Variants in AGO1 observed in about 807,000 individuals in gnomAD.
The protein encoded by AGO1 is protein argonaute-1.
AGO1 carries 11 observed loss-of-function variants against 109.2 expected under a neutral mutation model. That is an observed-to-expected ratio of 0.10 (90% CI 0.06 to 0.17). AGO1 has a LOEUF of 0.17. Among genes scored for constraint, AGO1 ranks in the 10% least tolerant of loss-of-function variants. AGO1 has a pLI of 1.00. For missense variants in AGO1, 574 were observed against 1,140.3 expected, an observed-to-expected ratio of 0.50 and a Z score of 7.15; for synonymous variants, 422 against 418.6, an observed-to-expected ratio of 1.01 and a Z score of -0.10.
At chr1:35,895,030 G>GA in intron 7 of AGO1, 92 bp from the exon 8 acceptor site, 5 of 1,451,284 alleles carry the variant, frequency 3.4e-6, no homozygotes, top group Non-Finnish European at 4.6e-6. Flanking sequence ...AATGAAAAAG[G>GA]AAAAAATCTG....
At chr1:35,900,843 G>A (rs1275024088) in intron 8 of AGO1, among the ~76,000 whole-genome samples, 2 of 152,120 alleles carry the variant, frequency 1.3e-5, no homozygotes, top group African/African-American at 4.8e-5. Context: ...CCGGGAGGCA[G>A]ATGTCTCTGA....
Position 35,877,223 on chromosome 1 carries a change from G to T in AGO1, c.-201+7320G>T, listed in dbSNP as rs962753512. 2.0e-5 allele frequency among the ~76,000 whole-genome samples: 3 copies of T among 152,280 alleles called. No individual in the cohort carries two copies. In the East Asian group the frequency reaches 5.8e-4, roughly 29 times the overall value. On this transcript the variant is annotated intron_variant, in intron 1 of 18. Coordinates refer to the AGO1 transcript ENST00000373206. ...CTTTGCTGCCTTTCCCCTGGCTTGGGCTAGGGAGCGAATGGGCAGATTTCG... is the reference window on the plus strand; with the variant it reads ...CTTTGCTGCCTTTCCCCTGGCTTGGTCTAGGGAGCGAATGGGCAGATTTCG...
At position 35,920,799 on chromosome 1, in the gene AGO1, T is replaced by C. The variant is rs1474000510; in HGVS notation, c.*1192T>C. On this transcript the variant is annotated 3_prime_UTR_variant, in exon 19 of 19. Transcript: ENST00000373204. ...CTCTTATGTTTCAATATTTCTTAAC[T>C]GGGGTGTCTTATAACAAAAAACTCT... 2 of 152,678 alleles carry C rather than the reference T, an allele frequency of 1.3e-5. No homozygotes were observed. Among genetic ancestry groups the C allele is most frequent in the Admixed American group, 6.5e-5 (1 of 15,292 alleles). 9.5% of individuals were successfully genotyped at this position (152,678 alleles called of 1,614,324 possible).
Position 35,894,369 on chromosome 1 carries a change from G to T in AGO1, c.839G>T (p.Cys280Phe). The change falls in exon 7 of 19, where the codon TGT becomes TTT. Residue 280 changes from cysteine (C) to phenylalanine (F), a missense_variant. Around this residue, in one of 8 missense-constraint regions of AGO1, gnomAD observed 42 missense variants for 142.4 expected, o/e 0.29. Coordinates refer to ENST00000373204, the MANE Select transcript of AGO1 (RefSeq NM_012199.5). ...CAGATGAAGAGGAAGTACCGCGTGT[G>T]TAATGTTACCCGTCGCCCTGCTAGC... ...CGQMKRKYRV[C>F]NVTRRPASHQ... is the part of the protein sequence containing the mutation. The T allele has an allele frequency of 6.2e-7, 1 of 1,614,220 alleles. No homozygotes were observed. Among genetic ancestry groups the T allele is most frequent in the Non-Finnish European group, 8.5e-7 (1 of 1,180,040 alleles).
At chr1:35,891,113 A>G (rs186277344) in intron 2 of AGO1, among the ~76,000 whole-genome samples, 26 of 152,334 alleles carry the variant, frequency 1.7e-4, no homozygotes, top group Admixed American at 1.2e-3. Flanking sequence ...CATAGTCTAC[A>G]TAGTGTAGGA....
At chr1:35,907,886 A>G (rs1645553556) in intron 12 of AGO1, among the ~76,000 whole-genome samples, 1 of 152,192 alleles carries the variant, frequency 6.6e-6, no homozygotes, top group Non-Finnish European at 1.5e-5. Flanking sequence ...GCACTTTGGA[A>G]TGCCAAGGTG....
intron 8 of AGO1, among the ~76,000 whole-genome samples, chr1:35,895,873 G>C (rs1645307647): frequency 6.6e-6 from 1 of 152,130 alleles, no homozygotes; most frequent in Non-Finnish European, 1.5e-5. Context: ...AGAAACTACT[G>C]CCTACTGCTT....
chr1:35,903,609 T>C (rs929305457), intron 11 of AGO1, among the ~76,000 whole-genome samples: 2 of 152,052 alleles, frequency 1.3e-5, no homozygotes, highest in Non-Finnish European at 2.9e-5. Context: ...TAGTCCTGGC[T>C]ACTCAGGAGG....
At chr1:35,877,497 A>G (rs1645001767) in intron 1 of AGO1, among the ~76,000 whole-genome samples, 1 of 151,912 alleles carries the variant, frequency 6.6e-6, no homozygotes, top group African/African-American at 2.4e-5. Flanking sequence ...GATTAGACAT[A>G]CCTCCTCTTA....
intron 8 of AGO1, among the ~76,000 whole-genome samples, chr1:35,900,834 C>T (rs557683385): frequency 8.3e-4 from 126 of 152,026 alleles, no homozygotes; most frequent in African/African-American, 2.8e-3. Context: ...TGCTTAAACC[C>T]GGGAGGCAGA....
upstream of AGO1, among the ~76,000 whole-genome samples, chr1:35,882,253 CAG>C (rs1201413992): frequency 7.2e-5 from 11 of 152,106 alleles, no homozygotes; most frequent in African/African-American, 2.2e-4. The surrounding 1 kb of genome is among the most constrained non-coding windows in gnomAD (Gnocchi z 5.1). Context: ...TGGTTGGAAA[CAG>C]AGATTTGGAA....
rs764455703 is a variant in AGO1, at chr1:35,915,473, G to A, written c.1959G>A (p.Lys653=). ...GTGAGCTCCTCATCCAATTCTACAA[G>A]TCCACCCGTTTCAAGCCTACCCGCA... The part of the protein sequence containing the change: ...MVRELLIQFY[K]STRFKPTRII... The change falls in exon 15 of 19, where the codon AAG becomes AAA. Residue 653 remains lysine (K), a synonymous_variant. Transcript: ENST00000373204. The A allele has an allele frequency of 1.2e-6, 2 of 1,614,122 alleles. No homozygotes were observed. The highest frequency in any genetic ancestry group is 1.1e-5 in the South Asian group (1 of 91,078).
chr1:35,893,374 T>TA lies in AGO1; in HGVS notation c.512+107dup, dbSNP rs1037942637. 51,940 of 991,102 alleles carry TA rather than the reference T, an allele frequency of 0.052. 1 individual carries two copies. The highest frequency in any genetic ancestry group is 0.073 in the South Asian group (3,471 of 47,660). 61.4% of individuals were successfully genotyped at this position (991,102 alleles called of 1,614,324 possible). ...ATATTAAGGTCCCACAGAGTGCCAT[T>TA]AAAAAAAAAAATTATTTGAAGCCCT... On this transcript the variant is annotated intron_variant, in intron 4 of 18. Transcript: ENST00000373204. This position sits in a 1 kb window ranked among gnomAD's most constrained non-coding sequence, Gnocchi z 5.6.
intron 7 of AGO1, 152 bp from the exon 8 acceptor site, chr1:35,894,970 A>T: frequency 1.2e-6 from 1 of 858,346 alleles, no homozygotes; most frequent in Non-Finnish European, 1.7e-6. Flanking sequence ...GAAGTTGGAT[A>T]GGATGAAGCA....
rs1420696197 is a variant in AGO1 at position 35,926,544 on chromosome 1, T to G, written c.*6937T>G. 1.3e-5 allele frequency: 2 copies of G among 152,200 alleles called. No homozygotes were observed. Among genetic ancestry groups the G allele is most frequent in the Non-Finnish European group, 2.9e-5 (2 of 68,026 alleles). The allele number at this position is 152,200 out of a possible 1,614,324, so 9.4% of individuals were successfully genotyped here. On this transcript the variant is annotated 3_prime_UTR_variant, in exon 19 of 19. Transcript: ENST00000373204. The stretch of plus-strand genomic sequence containing the variant: ...GAGTTAGTGCAAGGAAAAGCCTAGT[T>G]GGAATTTCTGAGTCTGGGCCATCCT...
chr1:35,927,624 GATC>G lies in AGO1; in HGVS notation c.*8021_*8023del, dbSNP rs988567911. 1 of 152,236 alleles carries G rather than the reference GATC, an allele frequency of 6.6e-6. No individual in the cohort carries two copies. Among genetic ancestry groups the G allele is most frequent in the African/African-American group, 2.4e-5 (1 of 41,464 alleles). The allele number at this position is 152,236 out of a possible 1,614,324, so 9.4% of individuals were successfully genotyped here. ...CTCCTGTCATTGGCAAAGCAAGTAAGATCATCCATCAGGAGTGGCTTAGATTAA... is the reference window on the plus strand; with the variant it reads ...CTCCTGTCATTGGCAAAGCAAGTAAGATCCATCAGGAGTGGCTTAGATTAA... On this transcript the variant is annotated 3_prime_UTR_variant, in exon 19 of 19. Coordinates refer to ENST00000373204, the MANE Select transcript of AGO1 (RefSeq NM_012199.5).
chr1:35,882,947 G>T (rs574746073), upstream of AGO1: 6 of 972,924 alleles, frequency 6.2e-6, no homozygotes, highest in Non-Finnish European at 7.3e-6. This position sits in a 1 kb window ranked among gnomAD's most constrained non-coding sequence, Gnocchi z 5.1. Context: ...GGTTTGGAGG[G>T]ACCTATTTGG....
In AGO1 at chr1:35,888,657, T is replaced by G. The variant is rs1171780445; in HGVS notation, c.209+47T>G. The G allele has an allele frequency of 6.3e-7, 1 of 1,599,390 alleles. No individual in the cohort carries two copies. Among genetic ancestry groups the G allele is most frequent in the South Asian group, 1.1e-5 (1 of 90,046 alleles). The stretch of plus-strand genomic sequence containing the variant: ...CACCAAATCTGAAAGACACCAACCT[T>G]GAAAGAGGGGCCAGAAAGGTAAAAG... On this transcript the variant is annotated intron_variant, in intron 2 of 18. Transcript: ENST00000373204. The surrounding 1 kb of genome is among the most constrained non-coding windows in gnomAD (Gnocchi z 4.1).
intron 8 of AGO1, among the ~76,000 whole-genome samples, chr1:35,898,729 T>C (rs187723503): frequency 4.6e-5 from 7 of 152,364 alleles, no homozygotes; most frequent in Admixed American, 3.9e-4. Flanking sequence ...ATTATTGTTC[T>C]AGTTTCTAGT....
Sources: allele counts gnomAD v4.1 joint callset (sites outside exome capture counted in the v4.1 genomes callset), GRCh38; gene constraint gnomAD v4.1.1; regional missense constraint gnomAD v4.1.1; non-coding constraint Gnocchi (gnomAD v3.1); transcripts MANE v1.5; gene names NCBI Gene and HGNC (gene_info 2026-07-23, HGNC 2026-07-21).